Variants in FKBP15 observed in about 807,000 individuals in gnomAD.
The protein encoded by FKBP15 is FK506-binding protein 15.
FKBP15 carries 106 observed loss-of-function variants against 158.1 expected under a neutral mutation model. The ratio of observed to expected loss-of-function variants is 0.67; its 90% CI spans 0.57 to 0.79. FKBP15 has a LOEUF of 0.79. FKBP15 is among the 30% of genes least tolerant of loss of function. The pLI is 0.00. For missense variants in FKBP15, 1,287 were observed against 1,479.1 expected (o/e 0.87, Z 2.13); for synonymous variants, 547 against 548.6 (o/e 1.00, Z 0.04).
rs776713236 is a variant in FKBP15, at chr9:113,164,948, C to T, written c.*1130G>A. 2.6e-5 allele frequency: 4 copies of T among 152,182 alleles called. No homozygotes were observed. Among genetic ancestry groups the T allele is most frequent in the Non-Finnish European group, 4.4e-5 (3 of 68,026 alleles). 9.4% of individuals were successfully genotyped at this position (152,182 alleles called of 1,614,324 possible). A position where few individuals can be genotyped will look rare whatever the true frequency, so the allele number is the denominator to read the frequency against. On this transcript the variant is annotated 3_prime_UTR_variant, in exon 28 of 28. Transcript: ENST00000238256. ...CCGCACACGGGAGACATATCCAAAG[C>T]CTGCAAGGATGATGCCAGGCCAGAT...
intron 19 of FKBP15, among the ~76,000 whole-genome samples, chr9:113,179,676 A>C (rs1039249222): frequency 8.6e-5 from 13 of 151,926 alleles, no homozygotes; most frequent in African/African-American, 3.1e-4. Flanking sequence ...AAAAAAAAAA[A>C]AAACAAGAAA....
At chr9:113,183,379 G>A (rs1285620225) in intron 18 of FKBP15, among the ~76,000 whole-genome samples, 3 of 152,078 alleles carry the variant, frequency 2.0e-5, no homozygotes, top group Non-Finnish European at 4.4e-5. Flanking sequence ...AGTTTTGGCT[G>A]AGTTCTGATG....
chr9:113,186,040 T>C (rs1445862472), intron 15 of FKBP15, among the ~76,000 whole-genome samples: 1 of 152,234 alleles, frequency 6.6e-6, no homozygotes, highest in African/African-American at 2.4e-5. Flanking sequence ...TAGTGATGAA[T>C]GCACAACTCT....
At chr9:113,206,712 A>ATTTT (rs35902681) in intron 3 of FKBP15, 134 bp from the exon 4 acceptor site, 80 of 290,268 alleles carry the variant, frequency 2.8e-4, no homozygotes, top group Non-Finnish European at 3.2e-4. Context: ...GCGGTTTAAA[A>ATTTT]TTTTTTTTTT....
intron 10 of FKBP15, 22 bp downstream of exon 10, chr9:113,194,005 T>C (rs758923785): frequency 2.5e-6 from 4 of 1,586,474 alleles, no homozygotes; most frequent in Non-Finnish European, 3.4e-6. Flanking sequence ...TAAAAGAGCT[T>C]GATACAACTG....
In FKBP15 at chr9:113,211,594, T is replaced by C; in HGVS notation, c.54-2A>G. ...CCAAAAAGTGAGGCCAATCTGGCAC[T>C]GTTAGTAGAAAATGAAAAATGAAAT... On this transcript the variant is annotated splice_acceptor_variant, in intron 1 of 27. Coordinates refer to ENST00000238256, the MANE Select transcript of FKBP15 (RefSeq NM_015258.2). LOFTEE classifies it high-confidence loss of function. 1.3e-6 allele frequency: 2 copies of C among 1,583,068 alleles called. No individual in the cohort carries two copies.
rs1044427962 is a variant in FKBP15, at chr9:113,166,096, GTCA to G, written c.3639_3641del (p.Asp1214del). ...TGGGTCTTCATCCCAGCCAGTCAAT[GTCA>G]TCGTCATCATCATCATCTCCAAAAA... On this transcript the variant is annotated inframe_deletion, in exon 28 of 28. Transcript: ENST00000238256. 3 of 1,613,512 alleles carry G rather than the reference GTCA, an allele frequency of 1.9e-6. No homozygotes were observed. The African/African-American group carries it at 4.0e-5, about 22-fold the overall frequency.
chr9:113,161,732 C>G lies in FKBP15; in HGVS notation c.*4346G>C, dbSNP rs1830016680. On this transcript the variant is annotated 3_prime_UTR_variant, in exon 28 of 28. Transcript: ENST00000238256. The stretch of plus-strand genomic sequence containing the variant: ...AGTGGGTATGGGAAAGGGGCAGAAG[C>G]CTCACATTCACCCTGAGAGACAGGC... 1.2e-6 allele frequency: 2 copies of G among 1,605,006 alleles called. No individual in the cohort carries two copies. The highest frequency in any genetic ancestry group is 1.7e-6 in the Non-Finnish European group (2 of 1,172,714).
chr9:113,161,995 C>T lies in FKBP15; in HGVS notation c.*4083G>A, dbSNP rs1041419729. 1 of 484,938 alleles carries T rather than the reference C, an allele frequency of 2.1e-6. No homozygotes were observed. Among genetic ancestry groups the T allele is most frequent in the Admixed American group, 3.3e-5 (1 of 30,410 alleles). The allele number at this position is 484,938 out of a possible 1,614,324, so 30.0% of individuals were successfully genotyped here. ...GCAAATGAGGTGGCCACCCACCCTC[C>T]CCCAAATCTCACCAGTTCCATGGGT... is the stretch of plus-strand genomic sequence containing the variant. On this transcript the variant is annotated 3_prime_UTR_variant, in exon 28 of 28. Coordinates refer to ENST00000238256, the MANE Select transcript of FKBP15 (RefSeq NM_015258.2).
At position 113,190,521 on chromosome 9, in the gene FKBP15, T is replaced by A; in HGVS notation, c.1123A>T (p.Met375Leu). ...ISRMAKMGQP[M>L]LPILPPQLDS... is the part of the protein sequence containing the mutation. ...AGCTGTGGTGGAAGGATGGGCAGCA[T>A]GGGCTGGCCCATTTTAGCCATCCGA... Residue 375 changes from methionine to leucine, a missense_variant, in exon 12 of 28, where the codon ATG becomes TTG. Met to Leu is a conservative substitution (Grantham distance 15). Coordinates refer to ENST00000238256, the MANE Select transcript of FKBP15 (RefSeq NM_015258.2). The A allele has an allele frequency of 6.2e-7, 1 of 1,612,666 alleles. No individual in the cohort carries two copies. Among genetic ancestry groups the A allele is most frequent in the Non-Finnish European group, 8.5e-7 (1 of 1,179,374 alleles).
chr9:113,219,862 CTG>C (rs1197277213), intron 1 of FKBP15, among the ~76,000 whole-genome samples: 3 of 152,158 alleles, frequency 2.0e-5, no homozygotes, highest in African/African-American at 7.2e-5. Flanking sequence ...TGTAAAATAA[CTG>C]AGAAACGGAA....
In FKBP15 at chr9:113,198,159, G is replaced by A. The variant is rs1830722271; in HGVS notation, c.717+696C>T. Among the ~76,000 whole-genome samples the A allele has an allele frequency of 6.6e-6, 1 of 152,206 alleles. No individual in the cohort carries two copies. Among genetic ancestry groups the A allele is most frequent in the African/African-American group, 2.4e-5 (1 of 41,444 alleles). ...TGCTCCTCCTGCTGCTGTCACAGTT[G>A]CCTTCTACAGTGATTGGAAAGTGCT... On this transcript the variant is annotated intron_variant, in intron 8 of 27. Coordinates refer to ENST00000238256, the MANE Select transcript of FKBP15 (RefSeq NM_015258.2). This position sits in a 1 kb window ranked among gnomAD's most constrained non-coding sequence, Gnocchi z 5.2.
chr9:113,167,784 G>A (rs1055753339), intron 27 of FKBP15, among the ~76,000 whole-genome samples: 1 of 152,222 alleles, frequency 6.6e-6, no homozygotes, highest in African/African-American at 2.4e-5. Context: ...ACCTAGCACA[G>A]CGGGGAGCAG....
intron 8 of FKBP15, 40 bp from the exon 9 acceptor site, chr9:113,197,118 C>A: frequency 1.2e-6 from 2 of 1,602,230 alleles, no homozygotes; most frequent in Non-Finnish European, 1.7e-6. Context: ...AAACAAGAAG[C>A]TCCTCAGAAG....
chr9:113,200,584 CTATTT>C (rs1830770062), intron 6 of FKBP15, among the ~76,000 whole-genome samples: 1 of 152,002 alleles, frequency 6.6e-6, no homozygotes, highest in East Asian at 1.9e-4. Context: ...TTATTCTATT[CTATTT>C]ATGAATAATT....
chr9:113,181,668 T>G (rs1432069384), intron 19 of FKBP15, among the ~76,000 whole-genome samples: 1 of 152,202 alleles, frequency 6.6e-6, no homozygotes, highest in Non-Finnish European at 1.5e-5. Context: ...GTTACAGTAA[T>G]CATTTTAGCC....
At chr9:113,195,478 T>A (rs573940990) in intron 9 of FKBP15, among the ~76,000 whole-genome samples, 2 of 152,022 alleles carry the variant, frequency 1.3e-5, no homozygotes, top group African/African-American at 4.8e-5. Context: ...ACAGAGAATA[T>A]AAAAGCTGTA....
intron 1 of FKBP15, among the ~76,000 whole-genome samples, chr9:113,211,909 T>G (rs1435765639): frequency 3.9e-5 from 6 of 152,206 alleles, no homozygotes; most frequent in Non-Finnish European, 8.8e-5. Context: ...ACCTATAAAC[T>G]GAAGTGACTA....
At chr9:113,203,059 GAA>G (rs10568341) in intron 4 of FKBP15, 24 bp from the exon 5 acceptor site, 52,681 of 1,238,220 alleles carry the variant, frequency 0.043, 2,364 homozygotes, top group African/African-American at 0.23. Context: ...ACGACAGATA[GAA>G]AAAAAAAAAG....
Sources: allele counts gnomAD v4.1 joint callset (sites outside exome capture counted in the v4.1 genomes callset), GRCh38; gene constraint gnomAD v4.1.1; non-coding constraint Gnocchi (gnomAD v3.1); transcripts MANE v1.5; gene names NCBI Gene and HGNC (gene_info 2026-07-23, HGNC 2026-07-21).